Variants in GSTO2 observed in about 807,000 individuals in gnomAD.
GSTO2 encodes the protein glutathione S-transferase omega-2.
Under a neutral mutation model 28.4 loss-of-function variants are expected in GSTO2, and 23 were observed. The ratio of observed to expected loss-of-function variants is 0.81; its 90% confidence interval spans 0.58 to 1.15. GSTO2 has a LOEUF of 1.15. Among genes scored for constraint, GSTO2 ranks in the 50% most tolerant of loss-of-function variants. The pLI is 0.00. For missense variants in GSTO2, 298 were observed against 297.8 expected, an observed-to-expected ratio of 1.00 and a Z score of 0.00; for synonymous variants, 109 against 111.0, an observed-to-expected ratio of 0.98 and a Z score of 0.11.
Position 104,299,206 on chromosome 10 carries a change from G to A in GSTO2, c.654G>A (p.Met218Ile), listed in dbSNP as rs745533534. The stretch of plus-strand genomic sequence containing the variant: ...ACCCCACAGTCTGTGCTCTTCTCAT[G>A]GATAAGAGCATTTTCCAGGGCTTCT... ...KWDPTVCALL[M>I]DKSIFQGFLN... Residue 218 changes from methionine (M) to isoleucine (I), a missense_variant, in exon 7 of 7, where the codon ATG (methionine) becomes ATA (isoleucine). Transcript: ENST00000338595. 3.7e-6 allele frequency: 6 copies of A among 1,614,036 alleles called. No homozygotes were observed. Among genetic ancestry groups the A allele is most frequent in the East Asian group, 4.5e-5 (2 of 44,880 alleles).
intron 5 of GSTO2, among the ~76,000 whole-genome samples, chr10:104,281,645 T>C (rs1170209098): frequency 6.6e-6 from 1 of 152,194 alleles, no homozygotes; most frequent in Non-Finnish European, 1.5e-5. Context: ...CATTCAATCT[T>C]TCCAACAACC....
At position 104,274,941 on chromosome 10, in the gene GSTO2, T is replaced by C. The variant is rs2011555581; in HGVS notation, c.26T>C (p.Leu9Pro). MSGDATRT[L>P]GKGSQPPGPV... ...ATGTCTGGGGATGCGACCAGGACCC[T>C]GGGGAAAGGTGAGTGCTCTCCATGG... The change falls in exon 2 of 7, where the codon CTG becomes CCG. Residue 9 changes from leucine (L) to proline (P), a missense_variant. Coordinates refer to ENST00000338595, the MANE Select transcript of GSTO2 (RefSeq NM_183239.2). 1 of 1,600,866 alleles carries C rather than the reference T, an allele frequency of 6.2e-7. No individual in the cohort carries two copies. Among genetic ancestry groups the C allele is most frequent in the Non-Finnish European group, 8.5e-7 (1 of 1,176,118 alleles).
intron 1 of GSTO2, among the ~76,000 whole-genome samples, chr10:104,273,321 AT>A (rs2011498566): frequency 6.6e-6 from 1 of 151,556 alleles, no homozygotes; most frequent in Non-Finnish European, 1.5e-5. Flanking sequence ...TATGCATTTT[AT>A]TTTCAGAGAA....
At chr10:104,285,661 T>A (rs952419996) in intron 5 of GSTO2, among the ~76,000 whole-genome samples, 8 of 152,054 alleles carry the variant, frequency 5.3e-5, no homozygotes, top group Non-Finnish European at 1.0e-4. Context: ...GGAGACGAGG[T>A]CTCACTATGT....
At chr10:104,279,524 G>C in intron 5 of GSTO2, 53 bp downstream of exon 5, 1 of 1,305,682 alleles carries the variant, frequency 7.7e-7, no homozygotes, top group East Asian at 2.3e-5. Flanking sequence ...AGCTAGGCAG[G>C]GTCGCTAACC....
chr10:104,273,718 T>C (rs2011510985), intron 1 of GSTO2, among the ~76,000 whole-genome samples: 1 of 152,122 alleles, frequency 6.6e-6, no homozygotes, highest in Admixed American at 6.5e-5. Context: ...AGACAACGAG[T>C]CAAGCTTTGG....
At chr10:104,298,937 C>G (rs2013165260) in intron 6 of GSTO2, among the ~76,000 whole-genome samples, 191 bp from the exon 7 acceptor site, 1 of 152,200 alleles carries the variant, frequency 6.6e-6, no homozygotes, top group Non-Finnish European at 1.5e-5. Flanking sequence ...GCAACAACTT[C>G]TAAACATTCA....
At chr10:104,287,204 C>T (rs2012488718) in intron 5 of GSTO2, among the ~76,000 whole-genome samples, 1 of 152,130 alleles carries the variant, frequency 6.6e-6, no homozygotes, top group Admixed American at 6.5e-5. Context: ...AGGCATGTGC[C>T]ACCATGCCTA....
chr10:104,278,201 T>C (rs1564844591), intron 4 of GSTO2, 85 bp downstream of exon 4: 2 of 992,300 alleles, frequency 2.0e-6, no homozygotes, highest in East Asian at 5.2e-5. Context: ...AGCCAAATCA[T>C]TGGTGAAACT....
chr10:104,269,704 T>C (rs45611836), intron 1 of GSTO2, among the ~76,000 whole-genome samples: 3 of 152,208 alleles, frequency 2.0e-5, no homozygotes, highest in Non-Finnish European at 4.4e-5. Context: ...ATTGAAATAA[T>C]CATAAAATAA....
At position 104,292,038 on chromosome 10, in the gene GSTO2, C is replaced by T. The variant is rs76902905; in HGVS notation, c.469-5540C>T. Among the ~76,000 whole-genome samples, 54 of 152,250 alleles carry T rather than the reference C, an allele frequency of 3.5e-4. No individual in the cohort carries two copies. In the East Asian group the frequency reaches 0.01, roughly 29 times the overall value. ...AGAAGCTAGAGCCTCAGTTCCCTCC[C>T]CTGCCATTTGTAGAAGCCTTATAGG... is the stretch of plus-strand genomic sequence containing the variant. On this transcript the variant is annotated intron_variant, in intron 5 of 6. Coordinates refer to ENST00000338595, the MANE Select transcript of GSTO2 (RefSeq NM_183239.2).
In GSTO2 at chr10:104,277,909, C is replaced by A. The variant is rs1302141046; in HGVS notation, c.159C>A (p.Asn53Lys). Residue 53 changes from asparagine (N) to lysine (K), a missense_variant, in exon 4 of 7, where the codon AAC becomes AAA. Asn to Lys is a moderately conservative substitution (Grantham distance 94). Coordinates refer to ENST00000338595, the MANE Select transcript of GSTO2 (RefSeq NM_183239.2). The part of the protein sequence containing the change: ...KAKDIRHEVV[N>K]INLRNKPEWY... ...GCTTTTTAAGACATGAAGTGGTCAA[C>A]ATTAACCTGAGAAACAAGCCTGAAT... 1 of 1,613,426 alleles carries A rather than the reference C, an allele frequency of 6.2e-7. No individual in the cohort carries two copies. Among genetic ancestry groups the A allele is most frequent in the Non-Finnish European group, 8.5e-7 (1 of 1,179,382 alleles).
At chr10:104,298,246 G>A (rs914740461) in intron 6 of GSTO2, among the ~76,000 whole-genome samples, 50 of 152,200 alleles carry the variant, frequency 3.3e-4, no homozygotes, top group Non-Finnish European at 7.3e-4. Context: ...GCAGAGCAGT[G>A]CTGTGTTACT....
chr10:104,279,267 C>A (rs910967469), intron 4 of GSTO2, 103 bp from the exon 5 acceptor site: 11 of 895,166 alleles, frequency 1.2e-5, no homozygotes, highest in Non-Finnish European at 1.8e-5. Flanking sequence ...GTGGGTGTTG[C>A]CCTGTTAGGC....
At chr10:104,275,160 G>A (rs1050316528) in intron 2 of GSTO2, 66 bp from the exon 3 acceptor site, 56 of 1,544,980 alleles carry the variant, frequency 3.6e-5, no homozygotes, top group Non-Finnish European at 4.9e-5. Flanking sequence ...GCAAGTGAGC[G>A]AGCTCCTTCC....
intron 1 of GSTO2, among the ~76,000 whole-genome samples, chr10:104,272,586 A>ATTTTTTTTTT (rs1564841555): frequency 3.5e-5 from 2 of 56,898 alleles, no homozygotes; most frequent in African/African-American, 4.6e-5. Context: ...CAGTTATGGG[A>ATTTTTTTTTT]CTTTTTTTTT....
chr10:104,274,645 C>A (rs993730334), intron 1 of GSTO2, 40 bp from the exon 2 acceptor site: 1 of 557,210 alleles, frequency 1.8e-6, no homozygotes, highest in African/African-American at 2.0e-5. Flanking sequence ...CAAGGGGGAG[C>A]TTTTCTGGTG....
intron 4 of GSTO2, among the ~76,000 whole-genome samples, chr10:104,278,641 C>A (rs1447597424): frequency 6.6e-6 from 1 of 152,140 alleles, no homozygotes; most frequent in African/African-American, 2.4e-5. Context: ...GCCACCACAC[C>A]CCCTAATTGT....
chr10:104,292,500 T>G (rs2012822646), intron 5 of GSTO2, among the ~76,000 whole-genome samples: 1 of 151,484 alleles, frequency 6.6e-6, no homozygotes, highest in South Asian at 2.1e-4. Context: ...TCTCACTCTG[T>G]CACCTAGGCT....
Sources: allele counts gnomAD v4.1 joint callset (sites outside exome capture counted in the v4.1 genomes callset), GRCh38; gene constraint gnomAD v4.1.1; transcripts MANE v1.5; gene names NCBI Gene and HGNC (gene_info 2026-07-23, HGNC 2026-07-21).